ELN: variants seen among roughly 807,000 people sequenced by gnomAD.
ELN encodes tropoelastin.
Under a neutral mutation model 105.8 loss-of-function variants are expected in ELN, and 65 were observed. The observed-to-expected ratio is 0.61, with a 90% CI of 0.50 to 0.75. ELN has a LOEUF of 0.75. Ranked by LOEUF, ELN falls within the 30% of genes least tolerant of loss-of-function variation. The probability of loss-of-function intolerance (pLI) is 0.00; values close to 1 mark genes in which losing one functional copy is unlikely to be tolerated. For missense variants in ELN, 882 were observed against 969.4 expected (o/e 0.91, Z 1.20); for synonymous variants, 368 against 389.2 (o/e 0.95, Z 0.64).
At chr7:74,036,491 G>A (rs1789971437) in intron 2 of ELN, 64 bp from the exon 3 acceptor site, 1 of 1,606,676 alleles carries the variant, frequency 6.2e-7, no homozygotes, top group Non-Finnish European at 8.5e-7. Context: ...ATAGCTGGGG[G>A]TGGCAGCGGG....
chr7:74,039,337 T>A (rs1394871322), intron 4 of ELN, among the ~76,000 whole-genome samples: 1 of 152,158 alleles, frequency 6.6e-6, no homozygotes, highest in African/African-American at 2.4e-5. Context: ...GGGCAGTGTT[T>A]CCAGGCAAGG....
intron 5 of ELN, 131 bp downstream of exon 5, chr7:74,041,382 GA>G (rs1216856775): frequency 8.7e-7 from 1 of 1,153,128 alleles, no homozygotes; most frequent in Non-Finnish European, 1.3e-6. Flanking sequence ...GACGGGGACT[GA>G]TGCTGATACC....
In ELN at chr7:74,063,546, C is replaced by G; in HGVS notation, c.1919-75C>G. The G allele has an allele frequency of 3.1e-6, 5 of 1,611,882 alleles. No homozygotes were observed. Among genetic ancestry groups the G allele is most frequent in the Non-Finnish European group, 4.2e-6 (5 of 1,178,580 alleles). The stretch of plus-strand genomic sequence containing the variant: ...CTCCACCTGTGTCCCCAGAGGACAC[C>G]TCCGCCCTCCACAGGCCGAGGCTTC... On this transcript the variant is annotated intron_variant, in intron 28 of 32. Transcript: ENST00000252034. This position sits in a 1 kb window ranked among gnomAD's most constrained non-coding sequence, Gnocchi z 4.1.
intron 13 of ELN, among the ~76,000 whole-genome samples, 187 bp from the exon 14 acceptor site, chr7:74,047,955 C>T (rs1792957101): frequency 6.6e-6 from 1 of 152,146 alleles, no homozygotes; most frequent in Non-Finnish European, 1.5e-5. Context: ...TTCTTTGAGC[C>T]TCTGTGTTCT....
At chr7:74,051,631 C>A in intron 15 of ELN, 119 bp from the exon 16 acceptor site, 2 of 1,108,722 alleles carry the variant, frequency 1.8e-6, no homozygotes, top group Non-Finnish European at 2.6e-6. Flanking sequence ...TCTGGAGACA[C>A]CCGGGCCCCA....
At chr7:74,059,755 C>T in intron 22 of ELN, 131 bp from the exon 23 acceptor site, 1 of 770,104 alleles carries the variant, frequency 1.3e-6, no homozygotes, top group Non-Finnish European at 2.4e-6. Context: ...TGAGGCCCAG[C>T]AAGGGAAAGT....
chr7:74,037,295 G>A (rs2131249178), intron 3 of ELN, among the ~76,000 whole-genome samples: 1 of 151,902 alleles, frequency 6.6e-6, no homozygotes, highest in South Asian at 2.1e-4. Context: ...CCAGGTTCAG[G>A]TGATTCTCCT....
intron 8 of ELN, chr7:74,043,635 C>T (rs1398438189): frequency 1.6e-6 from 1 of 641,386 alleles, no homozygotes; most frequent in African/African-American, 1.8e-5. Context: ...CAGAGGTGGG[C>T]TGGCCCAGCC....
At chr7:74,040,083 A>G (rs547912940) in intron 4 of ELN, among the ~76,000 whole-genome samples, 1 of 152,224 alleles carries the variant, frequency 6.6e-6, no homozygotes, top group Non-Finnish European at 1.5e-5. Flanking sequence ...GCCACATGAC[A>G]GGATGCTCAG....
intron 10 of ELN, 140 bp from the exon 11 acceptor site, chr7:74,046,048 C>A (rs1434152651): frequency 6.6e-6 from 8 of 1,207,370 alleles, no homozygotes; most frequent in South Asian, 2.5e-5. Flanking sequence ...AAAAAAGAAA[C>A]CCCAGAGTTC....
intron 22 of ELN, 64 bp downstream of exon 22, chr7:74,057,760 G>A: frequency 6.3e-7 from 1 of 1,579,042 alleles, no homozygotes; most frequent in Non-Finnish European, 8.7e-7. Flanking sequence ...CCCTGCTCTG[G>A]GGTCTGACCG....
intron 13 of ELN, among the ~76,000 whole-genome samples, 157 bp from the exon 14 acceptor site, chr7:74,047,985 A>T (rs1792963205): frequency 6.6e-6 from 1 of 152,124 alleles, no homozygotes; most frequent in Non-Finnish European, 1.5e-5. Flanking sequence ...AATGGACATA[A>T]CAACTCCATA....
intron 11 of ELN, among the ~76,000 whole-genome samples, chr7:74,046,493 G>A (rs1286821713): frequency 6.6e-6 from 1 of 152,268 alleles, no homozygotes; most frequent in African/African-American, 2.4e-5. Context: ...AGGAGGGAGA[G>A]AATCCCGTAG....
At chr7:74,052,042 C>A in intron 17 of ELN, 59 bp downstream of exon 17, 1 of 1,598,930 alleles carries the variant, frequency 6.3e-7, no homozygotes, top group Non-Finnish European at 8.6e-7. Context: ...ACCTCGGAGA[C>A]CCTAGCCGCA....
intron 17 of ELN, chr7:74,052,664 C>CGGAAGGAAGGAA (rs782375003): frequency 8.6e-6 from 1 of 115,794 alleles, no homozygotes; most frequent in South Asian, 2.0e-4. Flanking sequence ...GAAGGAAAGA[C>CGGAAGGAAGGAA]GGAAGGAAGG....
rs1554669130 is a variant in ELN at position 74,042,607 on chromosome 7, T to C, written c.233-7T>C. On this transcript the variant is annotated splice_polypyrimidine_tract_variant and splice_region_variant and intron_variant, in intron 5 of 32. Coordinates refer to ENST00000252034, the MANE Select transcript of ELN (RefSeq NM_000501.4). Reference sequence around the variant, plus strand: ...CTCAGGACCTCACCCCATCCTCCCCTCCGCAGGGCTCGGCGCCTTCCCCGC... The same window carrying C: ...CTCAGGACCTCACCCCATCCTCCCCCCCGCAGGGCTCGGCGCCTTCCCCGC... 6.2e-7 allele frequency: 1 copy of C among 1,612,688 alleles called. No homozygotes were observed. The highest frequency in any genetic ancestry group is 1.3e-5 in the African/African-American group (1 of 75,002).
intron 4 of ELN, 139 bp downstream of exon 4, chr7:74,037,878 C>G: frequency 7.8e-7 from 1 of 1,285,888 alleles, no homozygotes; most frequent in Non-Finnish European, 1.1e-6. Context: ...GAGGTGTGGA[C>G]ACCGATTAGC....
intron 17 of ELN, chr7:74,052,652 A>C (rs938394263): frequency 6.3e-6 from 1 of 158,364 alleles, no homozygotes; most frequent in African/African-American, 2.6e-5. Flanking sequence ...GAAGGAAGGA[A>C]GGAAGGAAAG....
At chr7:74,028,901 C>T (rs782737115) in intron 1 of ELN, among the ~76,000 whole-genome samples, 8 of 151,756 alleles carry the variant, frequency 5.3e-5, no homozygotes, top group African/African-American at 1.2e-4. Context: ...CAGGAATGAG[C>T]GTGCTGTGTG....
Sources: allele counts gnomAD v4.1 joint callset (sites outside exome capture counted in the v4.1 genomes callset), GRCh38; gene constraint gnomAD v4.1.1; non-coding constraint Gnocchi (gnomAD v3.1); transcripts MANE v1.5; gene names NCBI Gene and HGNC (gene_info 2026-07-23, HGNC 2026-07-21).